Variants in TSHZ3 observed in about 807,000 individuals in gnomAD.
TSHZ3 encodes teashirt homolog 3.
In TSHZ3, 10 loss-of-function variants were observed where a neutral mutation model predicts 64.5. The observed-to-expected ratio is 0.16, with a 90% CI of 0.10 to 0.26. The LOEUF is 0.26. Among genes scored for constraint, TSHZ3 ranks in the 10% least tolerant of loss-of-function variants. The pLI is 1.00. For synonymous variants in TSHZ3, 608 were observed against 593.1 expected, an observed-to-expected ratio of 1.03 and a Z score of -0.36; for missense variants, 1,242 against 1,421.7, an observed-to-expected ratio of 0.87 and a Z score of 2.03.
At chr19:31,290,710 C>T (rs1976549558) in intron 1 of TSHZ3, among the ~76,000 whole-genome samples, 1 of 152,104 alleles carries the variant, frequency 6.6e-6, no homozygotes, top group Non-Finnish European at 1.5e-5. Context: ...AGGGGCCTTC[C>T]AGGCATCGCT....
intron 5 of TSHZ3, among the ~76,000 whole-genome samples, chr19:31,171,252 A>G (rs1974530818): frequency 6.6e-6 from 1 of 152,136 alleles, no homozygotes; most frequent in South Asian, 2.1e-4. Context: ...CGGTGTTACC[A>G]AAATGCCAGG....
intron 1 of TSHZ3, among the ~76,000 whole-genome samples, chr19:31,257,422 C>A (rs971165213): frequency 3.3e-5 from 5 of 152,154 alleles, no homozygotes; most frequent in Non-Finnish European, 7.3e-5. Context: ...GAACATGACC[C>A]CGTAAGCAGG....
At chr19:31,195,159 G>C (rs545986473) in intron 5 of TSHZ3, among the ~76,000 whole-genome samples, 1 of 151,792 alleles carries the variant, frequency 6.6e-6, no homozygotes, top group Non-Finnish European at 1.5e-5. Context: ...AGAGGAGAAA[G>C]GTACAGAAGA....
At chr19:31,298,517 C>T (rs982831383) in intron 1 of TSHZ3, among the ~76,000 whole-genome samples, 8 of 152,116 alleles carry the variant, frequency 5.3e-5, no homozygotes, top group Non-Finnish European at 8.8e-5. Context: ...GCAGCATTTC[C>T]GTAAAGAATT....
In TSHZ3 at chr19:31,277,440, T is replaced by A. The variant is rs747324578; in HGVS notation, c.2353A>T (p.Asn785Tyr). 1 of 1,613,972 alleles carries A rather than the reference T, an allele frequency of 6.2e-7. No homozygotes were observed. The highest frequency in any genetic ancestry group is 8.5e-7 in the Non-Finnish European group (1 of 1,179,970). ...GTCAAGTCTATGGGCTGGTCGTTGT[T>A]GACGTGGTAGAAATAGCGGTCGAGG... ...DHLDRYFYHV[N>Y]NDQPIDLTKG... The change falls in exon 2 of 2, where the codon AAC (asparagine) becomes TAC (tyrosine). Residue 785 changes from asparagine (N) to tyrosine (Y), a missense_variant. By Grantham distance (143) the Asn-to-Tyr change is moderately radical (BLOSUM62 -2). Transcript: ENST00000240587. The surrounding 1 kb of genome is among the most constrained non-coding windows in gnomAD (Gnocchi z 4.5).
chr19:31,155,318 T>C (rs1017873802), intron 6 of TSHZ3, among the ~76,000 whole-genome samples: 8 of 152,222 alleles, frequency 5.3e-5, no homozygotes, highest in African/African-American at 1.9e-4. Context: ...GGGAGCAGAA[T>C]ATTACATAAG....
upstream of TSHZ3, among the ~76,000 whole-genome samples, chr19:31,350,618 T>C (rs1476199062): frequency 6.6e-6 from 1 of 150,900 alleles, no homozygotes; most frequent in Non-Finnish European, 1.5e-5. Flanking sequence ...TATTGATTGG[T>C]GATCGGGGTC....
intron 1 of TSHZ3, among the ~76,000 whole-genome samples, chr19:31,285,781 C>CAAAAAAAAA (rs3030263): frequency 2.2e-5 from 1 of 44,986 alleles, no homozygotes; most frequent in Non-Finnish European, 3.8e-5. Context: ...GCCACTGTCT[C>CAAAAAAAAA]AAAAAAAAAA....
intron 1 of TSHZ3, among the ~76,000 whole-genome samples, chr19:31,313,097 C>T (rs2145156748): frequency 6.6e-6 from 1 of 152,194 alleles, no homozygotes; most frequent in South Asian, 2.1e-4. Context: ...GTTTGGGACT[C>T]AGGATGCCAA....
chr19:31,348,468 G>GA (rs769813617), intron 1 of TSHZ3, among the ~76,000 whole-genome samples: 20,793 of 82,292 alleles, frequency 0.25, 1,614 homozygotes, highest in South Asian at 0.41. Context: ...TAAAGAAGAA[G>GA]AAAAAAAAAA....
intron 4 of TSHZ3, among the ~76,000 whole-genome samples, chr19:31,216,437 G>C (rs937527042): frequency 6.6e-6 from 1 of 151,634 alleles, no homozygotes; most frequent in Admixed American, 6.6e-5. Context: ...CATCAGAAAG[G>C]CTTTCCCAGG....
At chr19:31,177,064 G>T (rs1208657905) in intron 5 of TSHZ3, among the ~76,000 whole-genome samples, 2 of 152,152 alleles carry the variant, frequency 1.3e-5, no homozygotes, top group Non-Finnish European at 2.9e-5. Context: ...GATAGCACCT[G>T]GCCCTTGGGT....
intron 1 of TSHZ3, among the ~76,000 whole-genome samples, chr19:31,322,127 T>A (rs1052069582): frequency 6.6e-6 from 1 of 152,170 alleles, no homozygotes; most frequent in Non-Finnish European, 1.5e-5. Context: ...AATGGTTTTA[T>A]GTTTGTTTGT....
chr19:31,281,373 G>T (rs916997586), intron 1 of TSHZ3, among the ~76,000 whole-genome samples: 3 of 152,146 alleles, frequency 2.0e-5, no homozygotes, highest in African/African-American at 7.2e-5. Context: ...CCTAAGCCAA[G>T]ACACATGGAA....
At chr19:31,304,490 G>A (rs1976806535) in intron 1 of TSHZ3, among the ~76,000 whole-genome samples, 3 of 146,686 alleles carry the variant, frequency 2.0e-5, no homozygotes, top group African/African-American at 7.5e-5. Context: ...CTGTCAAACT[G>A]GGACCATAAC....
Position 31,151,731 on chromosome 19 carries a change from T to C in TSHZ3, n.885A>G, listed in dbSNP as rs115922395. Among the ~76,000 whole-genome samples the C allele has an allele frequency of 3.7e-3, 571 of 152,278 alleles. 3 individuals are homozygous for C. The highest frequency in any genetic ancestry group is 0.011 in the African/African-American group (472 of 41,556). On this transcript the variant is annotated non_coding_transcript_exon_variant, in exon 7 of 7. Transcript: ENST00000651361. ...AATCAGTTTCGTCCCTGATGAAACA[T>C]AGGGCTTCTCTTCCTAGCACAACAA... is the stretch of plus-strand genomic sequence containing the variant.
At chr19:31,332,970 T>C (rs965125666) in intron 1 of TSHZ3, among the ~76,000 whole-genome samples, 1 of 151,648 alleles carries the variant, frequency 6.6e-6, no homozygotes, top group Non-Finnish European at 1.5e-5. Flanking sequence ...TCAGGCATGA[T>C]GGTGTGTGCC....
intron 4 of TSHZ3, among the ~76,000 whole-genome samples, chr19:31,213,230 A>T (rs187279275): frequency 9.9e-5 from 15 of 151,438 alleles, no homozygotes; most frequent in South Asian, 4.2e-4. Flanking sequence ...GGCGTCATGC[A>T]CCTGTAGTCC....
chr19:31,150,607 T>C (rs1004123845), exon 7 of TSHZ3, among the ~76,000 whole-genome samples: 2 of 152,188 alleles, frequency 1.3e-5, no homozygotes, highest in African/African-American at 4.8e-5. Flanking sequence ...ACGGGCAGGA[T>C]GGCCCACAGC....
Sources: gnomAD v4.1 joint callset for allele counts (sites outside exome capture counted in the v4.1 genomes callset) on GRCh38, gnomAD v4.1.1 for gene constraint, Gnocchi (gnomAD v3.1) non-coding constraint, MANE v1.5 for transcripts, NCBI Gene and HGNC (gene_info 2026-07-23, HGNC 2026-07-21) for gene names.